DACH2: variants seen among roughly 807,000 people sequenced by gnomAD.
The protein encoded by DACH2 is dachshund homolog 2.
In DACH2, 17 loss-of-function variants were observed where a neutral mutation model predicts 35.8. The ratio of observed to expected loss-of-function variants is 0.48; its 90% CI spans 0.33 to 0.71. The LOEUF (loss-of-function observed/expected upper bound fraction) is 0.71, where lower values mean the gene tolerates loss of function less well. Ranked by LOEUF, DACH2 falls within the 30% of genes least tolerant of loss-of-function variation. The probability of loss-of-function intolerance (pLI) is 0.02; values close to 1 mark genes in which losing one functional copy is unlikely to be tolerated. For synonymous variants in DACH2, 195 were observed against 177.3 expected (o/e 1.10, Z -0.79); for missense variants, 469 against 472.7 (o/e 0.99, Z 0.07).
At chrX:86,472,815 G>A (rs181691473) in intron 2 of DACH2, among the ~76,000 whole-genome samples, 1 of 111,907 alleles carries the variant, frequency 8.9e-6, no homozygotes. Context: ...AACTCTGAAT[G>A]CTGGAGCATT....
chrX:86,683,022 T>G (rs1173858493), intron 4 of DACH2, among the ~76,000 whole-genome samples: 1 of 111,611 alleles, frequency 9.0e-6, no homozygotes, highest in Non-Finnish European at 1.9e-5. Context: ...TATAGATTTC[T>G]GTGAATTTGA....
At chrX:86,579,861 C>T (rs2039480737) in intron 3 of DACH2, among the ~76,000 whole-genome samples, 2 of 112,245 alleles carry the variant, frequency 1.8e-5, no homozygotes, top group Admixed American at 9.5e-5. Context: ...ACTGCTATAC[C>T]ACCACAGCCT....
At chrX:86,701,355 C>T (rs758921692) in intron 5 of DACH2, among the ~76,000 whole-genome samples, 20 of 111,509 alleles carry the variant, frequency 1.8e-4, no homozygotes, top group Non-Finnish European at 3.4e-4. Flanking sequence ...ATTGAAGGAG[C>T]TACCGCAAAA....
intron 1 of DACH2, among the ~76,000 whole-genome samples, chrX:86,196,692 C>CAAAAAA (rs56268300): frequency 3.3e-3 from 91 of 27,315 alleles, no homozygotes; most frequent in South Asian, 7.5e-3. Flanking sequence ...GACTCCATCT[C>CAAAAAA]AAAAAAAAAA....
At chrX:86,217,389 C>T (rs745761025) in intron 1 of DACH2, among the ~76,000 whole-genome samples, 8 of 111,188 alleles carry the variant, frequency 7.2e-5, no homozygotes, top group Non-Finnish European at 1.3e-4. Flanking sequence ...CATCAGGGCA[C>T]CTATTCATTA....
chrX:86,714,685 A>T lies in DACH2; in HGVS notation c.1069A>T (p.Ser357Cys), dbSNP rs142085193. 772 of 1,194,406 alleles carry T rather than the reference A, an allele frequency of 6.5e-4. 6 individuals are homozygous for T. In the East Asian group the frequency reaches 0.021, roughly 32 times the overall value. The change falls in exon 6 of 12, where the codon AGT (serine) becomes TGT (cysteine). Residue 357 changes from serine (S) to cysteine (C), a missense_variant. Physicochemically the swap from Ser to Cys is moderately radical, Grantham distance 112. Coordinates refer to ENST00000373125, the MANE Select transcript of DACH2 (RefSeq NM_053281.3). ...CATGGCTGCTGCAGCACAGATTCAC[A>T]GTCCACTCTCCAGAGCTGGTACCTC... is the stretch of plus-strand genomic sequence containing the variant. ...ANMAAAAQIH[S>C]PLSRAGTSVI... is the part of the protein sequence containing the mutation.
intron 1 of DACH2, among the ~76,000 whole-genome samples, chrX:86,260,944 C>G (rs933250627): frequency 1.8e-5 from 2 of 112,117 alleles, no homozygotes; most frequent in Non-Finnish European, 1.9e-5. Context: ...CCAGGATGTT[C>G]CATCTTAAGC....
At chrX:86,475,102 C>A (rs1465578835) in intron 2 of DACH2, among the ~76,000 whole-genome samples, 1 of 111,546 alleles carries the variant, frequency 9.0e-6, no homozygotes, top group Non-Finnish European at 1.9e-5. Context: ...AATTTGAAGT[C>A]AGGTAATGTA....
chrX:86,200,262 T>C, intron 1 of DACH2, among the ~76,000 whole-genome samples: 1 of 111,244 alleles, frequency 9.0e-6, no homozygotes, highest in Middle Eastern at 4.6e-3. Flanking sequence ...ACCCCTTCCT[T>C]ACACCATATA....
At chrX:86,621,023 A>G (rs1259941530) in intron 3 of DACH2, among the ~76,000 whole-genome samples, 2 of 111,695 alleles carry the variant, frequency 1.8e-5, no homozygotes. Flanking sequence ...AGAAAAGACT[A>G]CTACTTTTAA....
intron 4 of DACH2, among the ~76,000 whole-genome samples, chrX:86,651,864 T>C (rs957453804): frequency 1.8e-5 from 2 of 111,571 alleles, no homozygotes; most frequent in Non-Finnish European, 1.9e-5. Context: ...GATGGAAAGA[T>C]GGATGGATAG....
At chrX:86,749,559 G>A (rs1208746400) in intron 7 of DACH2, among the ~76,000 whole-genome samples, 1 of 111,063 alleles carries the variant, frequency 9.0e-6, no homozygotes, top group Admixed American at 9.7e-5. Context: ...TTGTATATAG[G>A]AGCAGTGCAT....
intron 3 of DACH2, among the ~76,000 whole-genome samples, chrX:86,541,991 G>T (rs1345616975): frequency 1.8e-5 from 2 of 111,801 alleles, no homozygotes; most frequent in African/African-American, 6.5e-5. Context: ...ATTACACTTA[G>T]AACAACATCC....
At chrX:86,795,442 C>G (rs2042226761) in intron 7 of DACH2, among the ~76,000 whole-genome samples, 1 of 110,240 alleles carries the variant, frequency 9.1e-6, no homozygotes, top group Non-Finnish European at 1.9e-5. Flanking sequence ...ACCATGTTAG[C>G]CAGGATGGTG....
chrX:86,674,721 A>C (rs936285189), intron 4 of DACH2, among the ~76,000 whole-genome samples: 4 of 111,850 alleles, frequency 3.6e-5, no homozygotes, highest in Non-Finnish European at 7.5e-5. Context: ...GTCATATCCA[A>C]AAACTGATGA....
At chrX:86,567,668 C>T (rs1471741720) in intron 3 of DACH2, among the ~76,000 whole-genome samples, 1 of 111,228 alleles carries the variant, frequency 9.0e-6, no homozygotes, top group African/African-American at 3.3e-5. Context: ...TGTAGGTGTC[C>T]GGTAAATATT....
intron 2 of DACH2, among the ~76,000 whole-genome samples, chrX:86,440,233 C>T (rs769377990): frequency 9.0e-6 from 1 of 111,345 alleles, no homozygotes; most frequent in Non-Finnish European, 1.9e-5. Flanking sequence ...GTCTCCTGCT[C>T]TAATAGTTGA....
At chrX:86,655,433 A>C (rs915071171) in intron 4 of DACH2, among the ~76,000 whole-genome samples, 32 of 112,059 alleles carry the variant, frequency 2.9e-4, no homozygotes, top group African/African-American at 1.0e-3. Flanking sequence ...GTTATTTTCA[A>C]TTTTGTTGTA....
chrX:86,484,661 T>C (rs1393940815), intron 2 of DACH2, among the ~76,000 whole-genome samples: 2 of 112,088 alleles, frequency 1.8e-5, no homozygotes, highest in Non-Finnish European at 3.8e-5. Flanking sequence ...TTGTACTCAA[T>C]GGTCATTGTT....
Sources: allele counts gnomAD v4.1 joint callset (sites outside exome capture counted in the v4.1 genomes callset), GRCh38; gene constraint gnomAD v4.1.1; transcripts MANE v1.5; gene names NCBI Gene and HGNC (gene_info 2026-07-23, HGNC 2026-07-21).